PTPRT: variants seen among roughly 807,000 people sequenced by gnomAD.
The protein encoded by PTPRT is receptor-type tyrosine-protein phosphatase T.
In PTPRT, 56 loss-of-function variants were observed where a neutral mutation model predicts 176.8. The observed-to-expected ratio is 0.32, with a 90% CI of 0.26 to 0.40. The LOEUF (loss-of-function observed/expected upper bound fraction) is 0.40, where lower values mean the gene tolerates loss of function less well. Among genes scored for constraint, PTPRT ranks in the 10% least tolerant of loss-of-function variants. The pLI, the probability that PTPRT is intolerant of heterozygous loss-of-function variation, is 1.00. For missense variants in PTPRT, 1,540 were observed against 1,908.2 expected (o/e 0.81, Z 3.60); for synonymous variants, 783 against 739.0 (o/e 1.06, Z -0.96).
At chr20:42,722,684 A>G (rs1185142701) in intron 6 of PTPRT, among the ~76,000 whole-genome samples, 1 of 152,212 alleles carries the variant, frequency 6.6e-6, no homozygotes, top group African/African-American at 2.4e-5. Context: ...ACAATGCCAG[A>G]GATATTCTAT....
At chr20:42,766,939 G>C (rs6065534) in intron 5 of PTPRT, among the ~76,000 whole-genome samples, 25,462 of 152,146 alleles carry the variant, frequency 0.17, 2,258 homozygotes, top group African/African-American at 0.21. Flanking sequence ...TGATGGGCCT[G>C]TTTCATTTGC....
chr20:42,599,410 T>C (rs963485889), intron 7 of PTPRT, among the ~76,000 whole-genome samples: 1 of 152,150 alleles, frequency 6.6e-6, no homozygotes, highest in Non-Finnish European at 1.5e-5. Flanking sequence ...GATGCATGTC[T>C]TCTGAGTAAA....
chr20:42,252,979 A>G (rs2056573194), intron 13 of PTPRT, among the ~76,000 whole-genome samples: 1 of 152,128 alleles, frequency 6.6e-6, no homozygotes, highest in Non-Finnish European at 1.5e-5. Context: ...TGCCTTTGGC[A>G]CTCTTTAGGG....
chr20:42,568,326 C>G (rs1036553863), intron 7 of PTPRT, among the ~76,000 whole-genome samples: 1 of 152,052 alleles, frequency 6.6e-6, no homozygotes, highest in African/African-American at 2.4e-5. Context: ...GGGGCTTTCA[C>G]TCCTATTATT....
chr20:42,677,915 C>A lies in PTPRT; in HGVS notation c.1104G>T (p.Gly368=), dbSNP rs754896451. The A allele has an allele frequency of 1.2e-6, 2 of 1,614,152 alleles. No homozygotes were observed. Among genetic ancestry groups the A allele is most frequent in the Non-Finnish European group, 8.5e-7 (1 of 1,180,028 alleles). Residue 368 remains glycine, a synonymous_variant, in exon 7 of 31, where the codon GGG becomes GGT. Coordinates refer to ENST00000373187, the MANE Select transcript of PTPRT (RefSeq NM_007050.6). Reference sequence around the variant, plus strand: ...GGGGAGGCCCTGGCGGTCCCGTACCCCCCTCACCTGGTCGTGTGAGGAGCA... The same window carrying A: ...GGGGAGGCCCTGGCGGTCCCGTACCACCCTCACCTGGTCGTGTGAGGAGCA... ...IRVLLTRPGE[G]GTGPPGPPLT...
At chr20:42,140,218 T>C (rs1232920967) in intron 18 of PTPRT, among the ~76,000 whole-genome samples, 1 of 151,456 alleles carries the variant, frequency 6.6e-6, no homozygotes, top group East Asian at 2.0e-4. Context: ...AATTTGTCAT[T>C]CAGGATCCTT....
At chr20:42,068,334 G>T (rs1004926415), downstream of PTPRT, among the ~76,000 whole-genome samples, 1 of 152,156 alleles carries the variant, frequency 6.6e-6, no homozygotes, top group Non-Finnish European at 1.5e-5. Flanking sequence ...TGACATAAGC[G>T]GTTAGGCTGA....
chr20:42,077,813 A>AT lies in PTPRT; in HGVS notation c.*3065dup, dbSNP rs3084621. Reference sequence around the variant, plus strand: ...CTGGGTTACCCCAACATGGCCTGAGATTTTTTTTTTTTGCAAGTTTGTTTC... The same window carrying AT: ...CTGGGTTACCCCAACATGGCCTGAGATTTTTTTTTTTTTGCAAGTTTGTTTC... On this transcript the variant is annotated 3_prime_UTR_variant, in exon 31 of 31. Transcript: ENST00000373187. 391 of 181,304 alleles carry AT rather than the reference A, an allele frequency of 2.2e-3. 1 individual carries two copies. The highest frequency in any genetic ancestry group is 4.0e-3 in the Middle Eastern group (2 of 496). The allele number at this position is 181,304 out of a possible 1,614,324, so 11.2% of individuals were successfully genotyped here.
At chr20:42,811,421 T>C (rs2077696292) in intron 2 of PTPRT, among the ~76,000 whole-genome samples, 1 of 152,156 alleles carries the variant, frequency 6.6e-6, no homozygotes, top group Non-Finnish European at 1.5e-5. Context: ...TTTACTTGTA[T>C]GTAGCAGAAG....
intron 1 of PTPRT, among the ~76,000 whole-genome samples, chr20:43,184,029 T>A (rs1345659508): frequency 1.3e-5 from 2 of 152,252 alleles, no homozygotes; most frequent in African/African-American, 2.4e-5. Flanking sequence ...GAAGTGGAAT[T>A]GCTGGATTTT....
At chr20:43,069,643 G>T (rs1211783134) in intron 1 of PTPRT, among the ~76,000 whole-genome samples, 1 of 152,178 alleles carries the variant, frequency 6.6e-6, no homozygotes, top group Non-Finnish European at 1.5e-5. Flanking sequence ...GGGGGGCGTT[G>T]CTTGACAAGA....
At chr20:42,178,359 C>T (rs753800489) in intron 16 of PTPRT, among the ~76,000 whole-genome samples, 1 of 152,044 alleles carries the variant, frequency 6.6e-6, no homozygotes, top group Non-Finnish European at 1.5e-5. Flanking sequence ...GAATAGTTGC[C>T]CTTATGGGAT....
chr20:43,147,342 G>A (rs922551951), intron 1 of PTPRT, among the ~76,000 whole-genome samples: 2 of 152,074 alleles, frequency 1.3e-5, no homozygotes, highest in African/African-American at 4.8e-5. Context: ...CTCATAAAAT[G>A]GACACGAGGA....
intron 7 of PTPRT, among the ~76,000 whole-genome samples, chr20:42,632,301 C>T (rs1165849727): frequency 6.6e-6 from 1 of 152,118 alleles, no homozygotes; most frequent in Non-Finnish European, 1.5e-5. Flanking sequence ...TGCAGTGGTG[C>T]GATCTTGGCT....
chr20:43,004,683 A>G (rs1010642922), intron 1 of PTPRT, among the ~76,000 whole-genome samples: 12 of 152,234 alleles, frequency 7.9e-5, no homozygotes, highest in African/African-American at 2.7e-4. Context: ...TATGCACAAT[A>G]GTGAAAAGAA....
chr20:42,124,267 G>A (rs535211574), intron 19 of PTPRT, among the ~76,000 whole-genome samples: 19 of 152,316 alleles, frequency 1.2e-4, no homozygotes, highest in Admixed American at 7.2e-4. Context: ...TACACAGCAC[G>A]CAGATTGACT....
chr20:42,597,596 T>C (rs935318877), intron 7 of PTPRT, among the ~76,000 whole-genome samples: 1 of 152,162 alleles, frequency 6.6e-6, no homozygotes, highest in African/African-American at 2.4e-5. Context: ...CAACCTCTCT[T>C]TCTCCTGCTC....
chr20:42,979,506 C>T (rs188307724), intron 1 of PTPRT, among the ~76,000 whole-genome samples: 1 of 152,250 alleles, frequency 6.6e-6, no homozygotes, highest in African/African-American at 2.4e-5. Context: ...GTTCTTTCTA[C>T]TGCACGCTGT....
intron 15 of PTPRT, among the ~76,000 whole-genome samples, chr20:42,227,557 ATC>A (rs2056042949): frequency 6.7e-6 from 1 of 148,948 alleles, no homozygotes; most frequent in Admixed American, 6.7e-5. Flanking sequence ...TTTCATAGGC[ATC>A]TGTCAGCATC....
Sources: allele counts gnomAD v4.1 joint callset (sites outside exome capture counted in the v4.1 genomes callset), GRCh38; gene constraint gnomAD v4.1.1; transcripts MANE v1.5; gene names NCBI Gene and HGNC (gene_info 2026-07-23, HGNC 2026-07-21).